The following SLC25A26 variants were observed in gnomAD, a reference collection of about 807,000 sequenced individuals.
SLC25A26 encodes the protein solute carrier family 25 member 26.
In SLC25A26, 36 loss-of-function variants were observed where a neutral mutation model predicts 37.8. The ratio of observed to expected loss-of-function variants is 0.95; its 90% confidence interval spans 0.73 to 1.26. The LOEUF is 1.26. Ranked by LOEUF, SLC25A26 falls within the 50% of genes most tolerant of loss-of-function variation. The pLI is 0.00. For synonymous variants in SLC25A26, 129 were observed against 122.5 expected (o/e 1.05, Z -0.35); for missense variants, 390 against 331.1 (o/e 1.18, Z -1.38).
chr3:66,199,518 C>A (rs2071084351), intron 1 of SLC25A26, among the ~76,000 whole-genome samples: 1 of 152,102 alleles, frequency 6.6e-6, no homozygotes, highest in South Asian at 2.1e-4. Flanking sequence ...CCTCAATCCT[C>A]AACCTGACCC....
intron 5 of SLC25A26, among the ~76,000 whole-genome samples, chr3:66,271,890 C>G (rs1199052455): frequency 2.6e-5 from 4 of 151,934 alleles, no homozygotes; most frequent in African/African-American, 4.8e-5. Context: ...TTTCTGCCAC[C>G]TTTGTTCTTT....
chr3:66,224,588 A>T (rs2071652054), intron 1 of SLC25A26, among the ~76,000 whole-genome samples: 1 of 152,106 alleles, frequency 6.6e-6, no homozygotes, highest in African/African-American at 2.4e-5. Flanking sequence ...ACAGAGCCAA[A>T]CCATATCATT....
At chr3:66,371,064 G>A (rs1195255687) in intron 9 of SLC25A26, 24 of 1,293,500 alleles carry the variant, frequency 1.9e-5, no homozygotes, top group Admixed American at 3.3e-5. Context: ...TTGTGCTACA[G>A]AAGTGCCTCA....
intron 6 of SLC25A26, among the ~76,000 whole-genome samples, chr3:66,352,421 G>GTTTTTTTTT (rs1379958045): frequency 4.7e-5 from 6 of 126,556 alleles, no homozygotes; most frequent in African/African-American, 2.2e-4. Context: ...GCCTCCCCTC[G>GTTTTTTTTT]TTTTTTGTTT....
At chr3:66,196,492 A>G (rs2071045877) in intron 1 of SLC25A26, among the ~76,000 whole-genome samples, 1 of 152,166 alleles carries the variant, frequency 6.6e-6, no homozygotes, top group Admixed American at 6.6e-5. Context: ...TTGTTGGGTG[A>G]CTTGGGGAAG....
intron 1 of SLC25A26, among the ~76,000 whole-genome samples, chr3:66,194,274 T>C (rs1332958907): frequency 2.0e-5 from 3 of 152,194 alleles, no homozygotes; most frequent in Non-Finnish European, 4.4e-5. Flanking sequence ...TGGACTGAAG[T>C]TTTTCCTTGC....
intron 1 of SLC25A26, among the ~76,000 whole-genome samples, chr3:66,199,424 C>CT: frequency 6.6e-6 from 1 of 152,132 alleles, no homozygotes; most frequent in East Asian, 1.9e-4. Context: ...GATCCTAACC[C>CT]TTATCCTGGC....
chr3:66,153,163 C>T (rs935435464), intron 1 of SLC25A26, among the ~76,000 whole-genome samples: 3 of 152,132 alleles, frequency 2.0e-5, no homozygotes, highest in Admixed American at 2.0e-4. Flanking sequence ...AAAATTACTA[C>T]TGATAACTTT....
At chr3:66,324,213 TG>T in intron 5 of SLC25A26, 1 of 150,958 alleles carries the variant, frequency 6.6e-6, no homozygotes, top group South Asian at 2.1e-4. Flanking sequence ...TGTGTGTGTG[TG>T]TGTGTGTGTG....
intron 1 of SLC25A26, among the ~76,000 whole-genome samples, chr3:66,134,934 G>A (rs1383108487): frequency 6.6e-6 from 1 of 151,864 alleles, no homozygotes; most frequent in Non-Finnish European, 1.5e-5. Flanking sequence ...AGGTTCAAGC[G>A]ATTCTCCTGC....
At chr3:66,176,713 T>C (rs2070592631) in intron 1 of SLC25A26, among the ~76,000 whole-genome samples, 1 of 152,066 alleles carries the variant, frequency 6.6e-6, no homozygotes, top group African/African-American at 2.4e-5. Context: ...ACATAAAAGG[T>C]ATTATTTGTG....
chr3:66,377,527 G>A (rs942547814), intron 9 of SLC25A26, among the ~76,000 whole-genome samples, 163 bp from the exon 10 acceptor site: 1 of 151,914 alleles, frequency 6.6e-6, no homozygotes, highest in Non-Finnish European at 1.5e-5. Context: ...TAGAACTACT[G>A]TTGGGACACA....
At chr3:66,173,816 G>T (rs2070534024) in intron 1 of SLC25A26, among the ~76,000 whole-genome samples, 1 of 152,168 alleles carries the variant, frequency 6.6e-6, no homozygotes, top group Admixed American at 6.5e-5. Flanking sequence ...ACTTTGGGAG[G>T]CCAAGGTGGG....
At chr3:66,371,445 G>C in intron 9 of SLC25A26, 1 of 1,404,834 alleles carries the variant, frequency 7.1e-7, no homozygotes, top group South Asian at 1.7e-5. Flanking sequence ...GTTTTTATAG[G>C]AGAGCAGCAC....
intron 5 of SLC25A26, among the ~76,000 whole-genome samples, chr3:66,344,615 T>G (rs931872363): frequency 6.6e-5 from 10 of 152,262 alleles, no homozygotes; most frequent in Admixed American, 3.3e-4. Flanking sequence ...CTGGGCTGCC[T>G]GTGCAGTGCC....
At chr3:66,239,840 T>TTTTTTTTTA (rs1553666447) in intron 2 of SLC25A26, among the ~76,000 whole-genome samples, 1 of 138,286 alleles carries the variant, frequency 7.2e-6, no homozygotes, top group Non-Finnish European at 1.6e-5. Context: ...TTTTTTTTTT[T>TTTTTTTTTA]AACAGTGGAT....
intron 1 of SLC25A26, among the ~76,000 whole-genome samples, chr3:66,204,126 A>G (rs2071143105): frequency 6.6e-6 from 1 of 152,154 alleles, no homozygotes; most frequent in South Asian, 2.1e-4. Flanking sequence ...GGAAACTTGC[A>G]TGAAAATCAC....
chr3:66,274,244 T>C (rs1216513237), intron 5 of SLC25A26, among the ~76,000 whole-genome samples: 1 of 152,016 alleles, frequency 6.6e-6, no homozygotes, highest in Non-Finnish European at 1.5e-5. Flanking sequence ...TATACAAAAA[T>C]TAATTCAAGA....
intron 1 of SLC25A26, among the ~76,000 whole-genome samples, chr3:66,166,483 C>T (rs559670287): frequency 6.6e-6 from 1 of 152,114 alleles, no homozygotes. Flanking sequence ...AGTTTTACTT[C>T]GATGTGAATT....
Sources: allele counts gnomAD v4.1 joint callset (sites outside exome capture counted in the v4.1 genomes callset), GRCh38; gene constraint gnomAD v4.1.1; transcripts MANE v1.5; gene names NCBI Gene and HGNC (gene_info 2026-07-23, HGNC 2026-07-21).